Variants in PPARGC1A observed in about 807,000 individuals in gnomAD.
PPARGC1A encodes the protein peroxisome proliferator-activated receptor gamma coactivator 1-alpha.
PPARGC1A carries 25 observed loss-of-function variants against 88.7 expected under a neutral mutation model. The ratio of observed to expected loss-of-function variants is 0.28; its 90% confidence interval spans 0.21 to 0.39. PPARGC1A has a LOEUF of 0.39. Among genes scored for constraint, PPARGC1A ranks in the 10% least tolerant of loss-of-function variants. The pLI, the probability that PPARGC1A is intolerant of heterozygous loss-of-function variation, is 1.00. For missense variants in PPARGC1A, 880 were observed against 968.7 expected, an observed-to-expected ratio of 0.91 and a Z score of 1.22; for synonymous variants, 363 against 355.6, an observed-to-expected ratio of 1.02 and a Z score of -0.24.
chr4:24,329,457 C>G, the PPARGC1A span, among the ~76,000 whole-genome samples: 2 of 152,100 alleles, frequency 1.3e-5, no homozygotes, highest in Non-Finnish European at 2.9e-5. Flanking sequence ...TGCACTCAAC[C>G]ACAATGGCCA....
chr4:23,997,442 C>A, the PPARGC1A span, among the ~76,000 whole-genome samples: 2 of 147,604 alleles, frequency 1.4e-5, no homozygotes, highest in African/African-American at 5.0e-5. Context: ...CTGTAGCAGG[C>A]AAGAATTTTC....
At chr4:23,999,334 A>C in the PPARGC1A span, among the ~76,000 whole-genome samples, 180 of 152,328 alleles carry the variant, frequency 1.2e-3, 2 homozygotes, top group African/African-American at 4.2e-3. Flanking sequence ...GAAGTAGTGA[A>C]GCTGAATCGT....
chr4:24,427,863 T>G, the PPARGC1A span, among the ~76,000 whole-genome samples: 2 of 152,176 alleles, frequency 1.3e-5, no homozygotes, highest in East Asian at 3.9e-4. Flanking sequence ...ATATTCCCAG[T>G]GCTTTGGGAG....
chr4:23,970,772 A>G, the PPARGC1A span, among the ~76,000 whole-genome samples: 1 of 152,196 alleles, frequency 6.6e-6, no homozygotes, highest in Non-Finnish European at 1.5e-5. Flanking sequence ...AAACAATACC[A>G]GGTCGGTATC....
chr4:24,039,261 T>C, the PPARGC1A span, among the ~76,000 whole-genome samples: 1 of 152,110 alleles, frequency 6.6e-6, no homozygotes, highest in African/African-American at 2.4e-5. Context: ...ACAACATAAA[T>C]TAAGAAGCTA....
the PPARGC1A span, among the ~76,000 whole-genome samples, chr4:24,277,001 G>T: frequency 3.3e-5 from 5 of 152,176 alleles, no homozygotes; most frequent in African/African-American, 1.2e-4. Flanking sequence ...CTCCTAAGGT[G>T]TTCCAGGATG....
At chr4:24,074,514 TC>T in the PPARGC1A span, among the ~76,000 whole-genome samples, 1 of 152,184 alleles carries the variant, frequency 6.6e-6, no homozygotes, top group Admixed American at 6.5e-5. Flanking sequence ...ATGTAAGTTG[TC>T]CAACATAATG....
chr4:23,905,263 G>A (rs1369734404), upstream of PPARGC1A, among the ~76,000 whole-genome samples: 3 of 152,184 alleles, frequency 2.0e-5, no homozygotes, highest in East Asian at 1.9e-4. Context: ...TTCTGGAAAC[G>A]ATGTCAGACA....
chr4:24,387,869 G>GAGA, the PPARGC1A span, among the ~76,000 whole-genome samples: 22 of 115,684 alleles, frequency 1.9e-4, no homozygotes, highest in African/African-American at 8.5e-4. Flanking sequence ...AGAGAGAAAG[G>GAGA]AAGAAAGAGA....
the PPARGC1A span, among the ~76,000 whole-genome samples, chr4:24,436,754 G>A: frequency 7.2e-6 from 1 of 139,592 alleles, no homozygotes; most frequent in Non-Finnish European, 1.5e-5. Context: ...TCACAGAGCT[G>A]ACATCGATTG....
the PPARGC1A span, among the ~76,000 whole-genome samples, chr4:24,422,108 T>G: frequency 6.6e-6 from 1 of 152,254 alleles, no homozygotes; most frequent in South Asian, 2.1e-4. Flanking sequence ...TCCGGCCCAC[T>G]GTCTGTTTTT....
intron 2 of PPARGC1A, among the ~76,000 whole-genome samples, chr4:23,831,984 G>A (rs893356061): frequency 3.3e-5 from 5 of 152,044 alleles, no homozygotes; most frequent in East Asian, 3.9e-4. Flanking sequence ...CTAATTTATC[G>A]ATTTGTTATG....
At chr4:24,154,155 A>T in the PPARGC1A span, among the ~76,000 whole-genome samples, 734 of 152,308 alleles carry the variant, frequency 4.8e-3, 2 homozygotes, top group African/African-American at 0.016. Context: ...GTAGTTGTCC[A>T]AACCTACCTG....
the PPARGC1A span, among the ~76,000 whole-genome samples, chr4:24,111,061 T>C: frequency 6.6e-6 from 1 of 152,230 alleles, no homozygotes; most frequent in Admixed American, 6.5e-5. Flanking sequence ...TTAAGATATT[T>C]AATCTCTCTT....
chr4:24,134,216 G>C, the PPARGC1A span, among the ~76,000 whole-genome samples: 1 of 152,196 alleles, frequency 6.6e-6, no homozygotes, highest in Non-Finnish European at 1.5e-5. Context: ...AAGCCAAGTG[G>C]AGTTATCAGA....
At chr4:24,112,950 G>A in the PPARGC1A span, among the ~76,000 whole-genome samples, 5 of 152,204 alleles carry the variant, frequency 3.3e-5, no homozygotes, top group South Asian at 1.0e-3. Flanking sequence ...AGAGAATAAC[G>A]GAAATTTCTT....
At chr4:24,179,960 T>G in the PPARGC1A span, among the ~76,000 whole-genome samples, 21 of 152,304 alleles carry the variant, frequency 1.4e-4, no homozygotes, top group African/African-American at 4.3e-4. Flanking sequence ...TTGTGTTTTA[T>G]TCATAGATCC....
the PPARGC1A span, among the ~76,000 whole-genome samples, chr4:24,073,048 CTTTG>C: frequency 1.4e-5 from 2 of 147,794 alleles, no homozygotes; most frequent in South Asian, 2.1e-4. Flanking sequence ...TTTATTTTTG[CTTTG>C]TTTGTTTTGA....
chr4:24,063,716 T>C, the PPARGC1A span, among the ~76,000 whole-genome samples: 2 of 152,144 alleles, frequency 1.3e-5, no homozygotes, highest in African/African-American at 4.8e-5. Context: ...CCAAGAATAA[T>C]GCAGGCAGAT....
Sources: gnomAD v4.1 joint callset for allele counts (sites outside exome capture counted in the v4.1 genomes callset) on GRCh38, gnomAD v4.1.1 for gene constraint, MANE v1.5 for transcripts, NCBI Gene and HGNC (gene_info 2026-07-23, HGNC 2026-07-21) for gene names.